MTMR3: variants seen among roughly 807,000 people sequenced by gnomAD.
MTMR3 encodes the protein phosphatidylinositol-3,5-bisphosphate 3-phosphatase MTMR3.
Under a neutral mutation model 132.4 loss-of-function variants are expected in MTMR3, and 32 were observed. The observed-to-expected ratio is 0.24, with a 90% CI of 0.18 to 0.32. The LOEUF is 0.32. MTMR3 is among the 10% of genes least tolerant of loss of function. The pLI is 1.00. For synonymous variants in MTMR3, 556 were observed against 550.3 expected (o/e 1.01, Z -0.14); for missense variants, 1,216 against 1,489.6 (o/e 0.82, Z 3.02).
chr22:29,958,421 A>G (rs34647160), intron 2 of MTMR3, among the ~76,000 whole-genome samples: 15,445 of 152,174 alleles, frequency 0.1, 810 homozygotes, highest in Middle Eastern at 0.14. Context: ...GGTTCTTTAC[A>G]GGTAGGCTTC....
chr22:29,956,162 G>T (rs2066185333), intron 1 of MTMR3, among the ~76,000 whole-genome samples: 1 of 152,234 alleles, frequency 6.6e-6, no homozygotes, highest in Non-Finnish European at 1.5e-5. Context: ...CAACTTTAGA[G>T]AAATTGTCAC....
In MTMR3 at chr22:30,026,703, TA is replaced by T. The variant is rs2067917697; in HGVS notation, c.*905del. 1 of 152,944 alleles carries T rather than the reference TA, an allele frequency of 6.5e-6. No homozygotes were observed. The highest frequency in any genetic ancestry group is 1.5e-5 in the Non-Finnish European group (1 of 68,176). The allele number at this position is 152,944 out of a possible 1,614,324, so 9.5% of individuals were successfully genotyped here. A position where few individuals can be genotyped will look rare whatever the true frequency, so the allele number is the denominator to read the frequency against. ...GTCCCCATTCTGGGGCCTGGTCCCC[TA>T]AACAATCTCTTCCTCAGCCAGCACA... On this transcript the variant is annotated 3_prime_UTR_variant, in exon 20 of 20. Coordinates refer to ENST00000401950, the MANE Select transcript of MTMR3 (RefSeq NM_021090.4).
At chr22:29,994,456 C>G (rs1014918538) in intron 7 of MTMR3, 33 of 150,580 alleles carry the variant, frequency 2.2e-4, no homozygotes, top group Admixed American at 2.0e-3. Context: ...GTCATTACCT[C>G]ATGTTGTTGA....
In MTMR3 at chr22:30,020,448, G is replaced by A. The variant is rs2067715365; in HGVS notation, c.2789G>A (p.Gly930Asp). 6.2e-7 allele frequency: 1 copy of A among 1,614,030 alleles called. No homozygotes were observed. The highest frequency in any genetic ancestry group is 1.3e-5 in the African/African-American group (1 of 74,908). The change falls in exon 17 of 20, where the codon GGT (glycine) becomes GAT (aspartate). Residue 930 changes from glycine (G) to aspartate (D), a missense_variant. Physicochemically the swap from Gly to Asp is moderately conservative, Grantham distance 94 (BLOSUM62 -1). Around this residue, in one of 7 missense-constraint regions of MTMR3, gnomAD observed 852 missense variants for 852.0 expected, o/e 1.00. Transcript: ENST00000401950. ...AECKEGLVCN[G>D]APETENRASE... is the part of the protein sequence containing the mutation. ...TGTAAAGAGGGGCTTGTGTGCAATG[G>A]TGCCCCAGAGACTGAAAACAGGGCC... is the stretch of plus-strand genomic sequence containing the variant.
intron 7 of MTMR3, chr22:29,996,322 A>G (rs749456449): frequency 2.0e-5 from 3 of 152,244 alleles, no homozygotes; most frequent in African/African-American, 7.2e-5. Flanking sequence ...TAGTCAGTAT[A>G]TATTTCTGCG....
chr22:29,894,328 A>G lies in MTMR3; in HGVS notation c.-138+10969A>G, dbSNP rs531363798. Among the ~76,000 whole-genome samples the G allele has an allele frequency of 7.8e-4, 119 of 152,256 alleles. 1 individual carries two copies. Among genetic ancestry groups the G allele is most frequent in the Middle Eastern group, 3.4e-3 (1 of 294 alleles). ...TTTGAACTTTATCATTGTGAACTCC[A>G]CTATGACTAAAGACATTCTGGGATT... On this transcript the variant is annotated intron_variant, in intron 1 of 19. Coordinates refer to ENST00000401950, the MANE Select transcript of MTMR3 (RefSeq NM_021090.4).
rs777414528 is a variant in MTMR3 at position 29,991,558 on chromosome 22, C to T, written c.348C>T (p.Asn116=). ...QCQEWLKRLN[N]AIRPPAKIED... is the part of the protein sequence containing the mutation. ...AAGAGTGGCTGAAGAGACTGAACAA[C>T]GCAATCCGACCACCTGCTAAAATAG... is the stretch of plus-strand genomic sequence containing the variant. Residue 116 remains asparagine (N), a synonymous_variant, in exon 7 of 20, where the codon AAC becomes AAT. Coordinates refer to ENST00000401950, the MANE Select transcript of MTMR3 (RefSeq NM_021090.4). The T allele has an allele frequency of 4.0e-5, 64 of 1,613,908 alleles. No individual in the cohort carries two copies. The East Asian group carries it at 7.1e-4, about 18-fold the overall frequency.
chr22:30,013,721 G>T, intron 14 of MTMR3, 180 bp downstream of exon 14: 5 of 569,806 alleles, frequency 8.8e-6, no homozygotes, highest in South Asian at 2.4e-5. Flanking sequence ...AGAAAATCCA[G>T]GTATACCAGG....
intron 14 of MTMR3, chr22:30,015,485 G>T (rs549724530): frequency 6.8e-6 from 1 of 146,250 alleles, no homozygotes; most frequent in East Asian, 2.0e-4. Flanking sequence ...TCATCGTCAA[G>T]TCTCCTCCCT....
chr22:29,995,206 C>A (rs1220367221), intron 7 of MTMR3: 1 of 152,306 alleles, frequency 6.6e-6, no homozygotes, highest in Non-Finnish European at 1.5e-5. Context: ...ATTTATCTGT[C>A]TTCCGGGTTT....
intron 5 of MTMR3, chr22:29,980,124 A>G (rs2145888071): frequency 6.6e-6 from 1 of 151,386 alleles, no homozygotes; most frequent in South Asian, 2.1e-4. Context: ...CTGTAATTCC[A>G]TGCAGACTGT....
At chr22:30,018,243 T>G (rs1183359782) in intron 16 of MTMR3, 171 bp downstream of exon 16, 2 of 706,928 alleles carry the variant, frequency 2.8e-6, no homozygotes, top group African/African-American at 3.7e-5. Context: ...TACGAGGCTG[T>G]AAGATCCTTG....
At position 30,020,322 on chromosome 22, in the gene MTMR3, G is replaced by A. The variant is rs766840971; in HGVS notation, c.2663G>A (p.Ser888Asn). The A allele has an allele frequency of 6.2e-7, 1 of 1,614,192 alleles. No homozygotes were observed. The highest frequency in any genetic ancestry group is 1.1e-5 in the South Asian group (1 of 91,086). ...QTMEPSPSETSLVERPQVGSV... is the reference protein window; with the variant it reads ...QTMEPSPSETNLVERPQVGSV... ...ATGGAACCCAGCCCTTCAGAGACAA[G>A]CCTGGTCGAGAGGCCCCAAGTGGGG... is the stretch of plus-strand genomic sequence containing the variant. Residue 888 changes from serine to asparagine, a missense_variant, in exon 17 of 20, where the codon AGC becomes AAC. This residue lies in a region of MTMR3 where 852 missense variants were observed against 852.0 expected (regional missense o/e 1.00). Transcript: ENST00000401950.
chr22:29,926,401 C>G (rs1306635168), intron 1 of MTMR3, among the ~76,000 whole-genome samples: 1 of 152,032 alleles, frequency 6.6e-6, no homozygotes, highest in Non-Finnish European at 1.5e-5. Flanking sequence ...GGGTATATAC[C>G]TAGGAGTGAA....
Position 30,012,515 on chromosome 22 carries a change from T to G in MTMR3, c.1269T>G (p.Ile423Met). Residue 423 changes from isoleucine (I) to methionine (M), a missense_variant, in exon 13 of 20, where the codon ATT becomes ATG. Coordinates refer to ENST00000401950, the MANE Select transcript of MTMR3 (RefSeq NM_021090.4). ...CSDGWDRTPQ[I>M]VALAKLLLDP... Reference sequence around the variant, plus strand: ...ATGGCTGGGACCGCACCCCCCAGATTGTGGCATTGGCTAAGCTCTTGCTGG... The same window carrying G: ...ATGGCTGGGACCGCACCCCCCAGATGGTGGCATTGGCTAAGCTCTTGCTGG... The G allele has an allele frequency of 6.2e-7, 1 of 1,613,870 alleles. No homozygotes were observed. The highest frequency in any genetic ancestry group is 8.5e-7 in the Non-Finnish European group (1 of 1,179,994).
chr22:30,022,234 G>A lies in MTMR3; in HGVS notation c.3336+95G>A, dbSNP rs751292821. On this transcript the variant is annotated intron_variant, in intron 18 of 19. Coordinates refer to ENST00000401950, the MANE Select transcript of MTMR3 (RefSeq NM_021090.4). ...CCACCCCATACCCCTGGCCAAGGAA[G>A]CACCTCCCAGCACAGCTAGCCCTGA... The A allele has an allele frequency of 1.2e-5, 11 of 904,354 alleles. No homozygotes were observed. In the East Asian group the frequency reaches 1.8e-4, roughly 15 times the overall value. The allele number at this position is 904,354 out of a possible 1,614,324, so 56.0% of individuals were successfully genotyped here.
chr22:29,926,644 G>T (rs2065523156), intron 1 of MTMR3, among the ~76,000 whole-genome samples: 1 of 152,120 alleles, frequency 6.6e-6, no homozygotes, highest in African/African-American at 2.4e-5. Flanking sequence ...GCCTAATGAT[G>T]CTGGGCATCT....
intron 1 of MTMR3, among the ~76,000 whole-genome samples, chr22:29,921,191 G>C (rs890485848): frequency 2.0e-5 from 3 of 152,156 alleles, no homozygotes; most frequent in Non-Finnish European, 4.4e-5. Flanking sequence ...GCCTCAGGAA[G>C]CTTCCAGTCA....
intron 1 of MTMR3, among the ~76,000 whole-genome samples, chr22:29,916,384 A>C (rs1004321519): frequency 1.3e-5 from 2 of 152,192 alleles, no homozygotes; most frequent in Non-Finnish European, 2.9e-5. Flanking sequence ...GTAGTGCCTC[A>C]CAAATTACAG....
Sources: allele counts gnomAD v4.1 joint callset (sites outside exome capture counted in the v4.1 genomes callset), GRCh38; gene constraint gnomAD v4.1.1; regional missense constraint gnomAD v4.1.1; transcripts MANE v1.5; gene names NCBI Gene and HGNC (gene_info 2026-07-23, HGNC 2026-07-21).